Variants in CCDC102A observed in about 807,000 individuals in gnomAD.
CCDC102A encodes coiled-coil domain containing 102A, also known as coiled-coil domain-containing protein 102A.
CCDC102A carries 40 observed loss-of-function variants against 55.5 expected under a neutral mutation model. The observed-to-expected ratio is 0.72, with a 90% CI of 0.56 to 0.94. The LOEUF (loss-of-function observed/expected upper bound fraction) is 0.94, where lower values mean the gene tolerates loss of function less well. CCDC102A is among the 40% of genes least tolerant of loss of function. The pLI is 0.00. For missense variants in CCDC102A, 779 were observed against 768.6 expected, an observed-to-expected ratio of 1.01 and a Z score of -0.16; for synonymous variants, 323 against 339.0, an observed-to-expected ratio of 0.95 and a Z score of 0.52.
chr16:57,529,152 A>G lies in CCDC102A; in HGVS notation c.26T>C (p.Leu9Pro). 8.4e-7 allele frequency: 1 copy of G among 1,184,706 alleles called. No individual in the cohort carries two copies. Among genetic ancestry groups the G allele is most frequent in the Non-Finnish European group, 1.0e-6 (1 of 957,216 alleles). 73.4% of individuals were successfully genotyped at this position (1,184,706 alleles called of 1,614,324 possible). The change falls in exon 2 of 9, where the codon CTG (leucine) becomes CCG (proline). Residue 9 changes from leucine to proline, a missense_variant. Physicochemically the swap from Leu to Pro is moderately conservative, Grantham distance 98. Transcript: ENST00000258214. The surrounding 1 kb of genome is among the most constrained non-coding windows in gnomAD (Gnocchi z 4.1). MSHGPSPR[L>P]AESPQLSKGS... ...CTTGGACAGCTGCGGGGACTCGGCC[A>G]GCCGGGGGCTGGGCCCGTGGCTCAT...
chr16:57,533,536 T>A lies in CCDC102A; in HGVS notation c.-148+2964A>T, dbSNP rs564278993. 6.6e-5 allele frequency among the ~76,000 whole-genome samples: 9 copies of A among 136,630 alleles called. No individual in the cohort carries two copies. The East Asian group carries it at 1.5e-3, about 23-fold the overall frequency. 89.6% of individuals were successfully genotyped at this position (136,630 alleles called of 152,430 possible). ...CACACAGCCCCAGTAATGCACACAC[T>A]CACACACACACCCCCAGGGACCTGC... On this transcript the variant is annotated intron_variant, in intron 1 of 8. Coordinates refer to ENST00000258214, the MANE Select transcript of CCDC102A (RefSeq NM_033212.4).
Position 57,516,533 on chromosome 16 carries a change from T to A in CCDC102A, c.1249-70A>T. 1 of 1,344,138 alleles carries A rather than the reference T, an allele frequency of 7.4e-7. No homozygotes were observed. The highest frequency in any genetic ancestry group is 1.0e-6 in the Non-Finnish European group (1 of 960,056). The allele number at this position is 1,344,138 out of a possible 1,614,324, so 83.3% of individuals were successfully genotyped here. A position where few individuals can be genotyped will look rare whatever the true frequency, so the allele number is the denominator to read the frequency against. On this transcript the variant is annotated intron_variant, in intron 6 of 8. Transcript: ENST00000258214. This position sits in a 1 kb window ranked among gnomAD's most constrained non-coding sequence, Gnocchi z 4.4. The stretch of plus-strand genomic sequence containing the variant: ...TCAGCTTGGGCGCCATGCCAGGGAG[T>A]CCCACGAGGTCAGGCAGTTCTAGGG...
At chr16:57,530,022 C>T (rs1297679946) in intron 1 of CCDC102A, among the ~76,000 whole-genome samples, 1 of 152,160 alleles carries the variant, frequency 6.6e-6, no homozygotes, top group Non-Finnish European at 1.5e-5. Flanking sequence ...ATGATTACCT[C>T]CATTTATGGT....
At chr16:57,518,804 G>T in intron 4 of CCDC102A, 63 bp from the exon 5 acceptor site, 1 of 1,327,038 alleles carries the variant, frequency 7.5e-7, no homozygotes, top group Non-Finnish European at 1.1e-6. Context: ...AACCACCTCC[G>T]GGGGTGGGCG....
At chr16:57,520,234 T>G (rs1260673914) in intron 4 of CCDC102A, among the ~76,000 whole-genome samples, 1 of 152,170 alleles carries the variant, frequency 6.6e-6, no homozygotes, top group African/African-American at 2.4e-5. Flanking sequence ...CCTCCCTGTT[T>G]CCCGCACACG....
intron 4 of CCDC102A, among the ~76,000 whole-genome samples, chr16:57,519,459 G>A (rs1362350571): frequency 1.3e-5 from 2 of 152,200 alleles, no homozygotes; most frequent in Non-Finnish European, 2.9e-5. Context: ...CGCCCTCAGT[G>A]TACAGTGACT....
intron 3 of CCDC102A, among the ~76,000 whole-genome samples, chr16:57,522,639 T>G (rs2032070627): frequency 6.6e-6 from 1 of 152,236 alleles, no homozygotes; most frequent in Non-Finnish European, 1.5e-5. Context: ...GTCTTTGAGT[T>G]GCTAAGTCTG....
chr16:57,532,694 AGCAG>A (rs1488544714), intron 1 of CCDC102A, among the ~76,000 whole-genome samples: 1 of 92,254 alleles, frequency 1.1e-5, no homozygotes, highest in Non-Finnish European at 2.1e-5. Context: ...CCCCAAGTGA[AGCAG>A]ACACACACAC....
Position 57,515,370 on chromosome 16 carries a change from C to T in CCDC102A, c.1494G>A (p.Leu498=), listed in dbSNP as rs370434202. 5.6e-6 allele frequency: 9 copies of T among 1,607,352 alleles called. No homozygotes were observed. Among genetic ancestry groups the T allele is most frequent in the East Asian group, 2.2e-5 (1 of 44,762 alleles). The change falls in exon 8 of 9, where the codon CTG becomes CTA. Residue 498 remains leucine, a synonymous_variant. Coordinates refer to ENST00000258214, the MANE Select transcript of CCDC102A (RefSeq NM_033212.4). ...ACTGCAGGTGCTCCAGTTGCACTTG[C>T]AGGTTCTCGCTCTGCTCCGTCTGCT... ...LDEQTEQSEN[L]QVQLEHLQSR...
At chr16:57,518,772 GA>G (rs1567602348) in intron 4 of CCDC102A, 31 bp from the exon 5 acceptor site, 3 of 1,533,766 alleles carry the variant, frequency 2.0e-6, no homozygotes, top group Non-Finnish European at 2.7e-6. Flanking sequence ...CTGGTCATGA[GA>G]ACCACCAGGA....
chr16:57,514,689 C>T (rs1320046538), intron 8 of CCDC102A, among the ~76,000 whole-genome samples: 1 of 152,202 alleles, frequency 6.6e-6, no homozygotes, highest in Non-Finnish European at 1.5e-5. Flanking sequence ...GAACCGGGCA[C>T]CCTCTATTCC....
chr16:57,528,834 C>T lies in CCDC102A; in HGVS notation c.344G>A (p.Arg115His). 7.7e-7 allele frequency: 1 copy of T among 1,292,052 alleles called. No individual in the cohort carries two copies. Among genetic ancestry groups the T allele is most frequent in the Middle Eastern group, 2.2e-4 (1 of 4,496 alleles). The allele number at this position is 1,292,052 out of a possible 1,614,324, so 80.0% of individuals were successfully genotyped here. The change falls in exon 2 of 9, where the codon CGC (arginine) becomes CAC (histidine). Residue 115 changes from arginine to histidine, a missense_variant. Transcript: ENST00000258214. ...GCGCACCTCCTCGCGCGCGCGGTTG[C>T]GCTCAGCGCGCACCTTGCTCCATTT... ...REKWSKVRAE[R>H]NRAREEVRQL...
Position 57,516,485 on chromosome 16 carries a change from TGGGAGGG to T in CCDC102A, c.1249-29_1249-23del. 6.8e-7 allele frequency: 1 copy of T among 1,476,150 alleles called. No individual in the cohort carries two copies. The highest frequency in any genetic ancestry group is 9.4e-7 in the Non-Finnish European group (1 of 1,065,082). 91.4% of individuals were successfully genotyped at this position (1,476,150 alleles called of 1,614,324 possible). On this transcript the variant is annotated intron_variant, in intron 6 of 8. Transcript: ENST00000258214. The surrounding 1 kb of genome is among the most constrained non-coding windows in gnomAD (Gnocchi z 4.4). ...GCTCCTACAGGGCACAGGGATGGGGTGGGAGGGAGGAGGGAATCAGTATCAGCTTGGG... is the reference window on the plus strand; with the variant it reads ...GCTCCTACAGGGCACAGGGATGGGGTAGGAGGGAATCAGTATCAGCTTGGG...
At chr16:57,525,058 C>T (rs2032112795) in intron 3 of CCDC102A, among the ~76,000 whole-genome samples, 2 of 151,972 alleles carry the variant, frequency 1.3e-5, no homozygotes, top group African/African-American at 4.8e-5. Context: ...TTCCTTGGCC[C>T]TTGTCCACGC....
intron 2 of CCDC102A, 77 bp from the exon 3 acceptor site, chr16:57,526,204 C>A: frequency 3.7e-6 from 4 of 1,088,840 alleles, no homozygotes; most frequent in Non-Finnish European, 5.2e-6. Context: ...TGATGGGTAA[C>A]CTTGGGCAAG....
Position 57,528,969 on chromosome 16 carries a change from T to G in CCDC102A, c.209A>C (p.Glu70Ala). The G allele has an allele frequency of 7.6e-7, 1 of 1,314,496 alleles. No individual in the cohort carries two copies. Among genetic ancestry groups the G allele is most frequent in the South Asian group, 1.5e-5 (1 of 68,422 alleles). 81.4% of individuals were successfully genotyped at this position (1,314,496 alleles called of 1,614,324 possible). A position where few individuals can be genotyped will look rare whatever the true frequency, so the allele number is the denominator to read the frequency against. The change falls in exon 2 of 9, where the codon GAG becomes GCG. Residue 70 changes from glutamate (E) to alanine (A), a missense_variant. Glu to Ala is a moderately radical substitution (Grantham distance 107). Transcript: ENST00000258214. ...CCGCAGCCGCAGCTCCTCGCGGCTC[T>G]CCCAGTCGCCGTCGGCCAGCAGCGC... is the stretch of plus-strand genomic sequence containing the variant. ...APALLADGDW[E>A]SREELRLREL... is the part of the protein sequence containing the mutation.
chr16:57,531,809 C>T (rs1229545078), intron 1 of CCDC102A, among the ~76,000 whole-genome samples: 9 of 152,208 alleles, frequency 5.9e-5, no homozygotes, highest in Non-Finnish European at 1.3e-4. Context: ...CCTGTTCTGG[C>T]TTCTCCTGGC....
chr16:57,514,437 C>A (rs1270120261), intron 8 of CCDC102A, among the ~76,000 whole-genome samples: 6 of 152,182 alleles, frequency 3.9e-5, no homozygotes, highest in Non-Finnish European at 5.9e-5. Flanking sequence ...TGGTCTCAAG[C>A]AATCCTCTTG....
At chr16:57,533,388 C>T (rs1015392897) in intron 1 of CCDC102A, among the ~76,000 whole-genome samples, 1 of 152,016 alleles carries the variant, frequency 6.6e-6, no homozygotes, top group African/African-American at 2.4e-5. Context: ...GCAGCCAGAC[C>T]CTGCCTTGCA....
Sources: allele counts gnomAD v4.1 joint callset (sites outside exome capture counted in the v4.1 genomes callset), GRCh38; gene constraint gnomAD v4.1.1; non-coding constraint Gnocchi (gnomAD v3.1); transcripts MANE v1.5; gene names NCBI Gene and HGNC (gene_info 2026-07-23, HGNC 2026-07-21).